The following GALNT2 variants were observed in gnomAD, a reference collection of about 807,000 sequenced individuals.
GALNT2 encodes the protein polypeptide N-acetylgalactosaminyltransferase 2, also known as UDP-GalNAc:polypeptide N-acetylgalactosaminyltransferase 2.
In GALNT2, 31 loss-of-function variants were observed where a neutral mutation model predicts 81.4. The observed-to-expected ratio is 0.38, with a 90% CI of 0.29 to 0.51. The LOEUF (loss-of-function observed/expected upper bound fraction) is 0.51, where lower values mean the gene tolerates loss of function less well. GALNT2 is among the 20% of genes least tolerant of loss of function. The pLI is 0.87. For missense variants in GALNT2, 629 were observed against 765.7 expected, an observed-to-expected ratio of 0.82 and a Z score of 2.11; for synonymous variants, 303 against 287.4, an observed-to-expected ratio of 1.05 and a Z score of -0.55.
At chr1:230,232,459 G>C (rs144231982) in intron 3 of GALNT2, among the ~76,000 whole-genome samples, 17 of 152,314 alleles carry the variant, frequency 1.1e-4, no homozygotes, top group African/African-American at 4.1e-4. Context: ...AGGAAACCGA[G>C]AGAATAGGAC....
At chr1:230,118,895 C>G (rs1160911736) in intron 1 of GALNT2, among the ~76,000 whole-genome samples, 1 of 152,174 alleles carries the variant, frequency 6.6e-6, no homozygotes, top group African/African-American at 2.4e-5. Flanking sequence ...TGCCCCTCAC[C>G]CTGCCTTTAT....
At chr1:230,066,957 C>T (rs1055538883), upstream of GALNT2, among the ~76,000 whole-genome samples, 1 of 150,174 alleles carries the variant, frequency 6.7e-6, no homozygotes, top group African/African-American at 2.4e-5. Context: ...CGTGCTGCAG[C>T]CATGGAGACG....
intron 8 of GALNT2, among the ~76,000 whole-genome samples, chr1:230,248,318 G>T (rs1203370538): frequency 6.6e-6 from 1 of 152,222 alleles, no homozygotes; most frequent in Non-Finnish European, 1.5e-5. Flanking sequence ...ATTGAAAGAT[G>T]CATGCCCTAG....
intron 6 of GALNT2, among the ~76,000 whole-genome samples, chr1:230,239,836 G>A (rs1665145241): frequency 6.6e-6 from 1 of 152,124 alleles, no homozygotes; most frequent in South Asian, 2.1e-4. Flanking sequence ...TACTTTTCAT[G>A]TATGCACAGT....
Position 230,265,073 on chromosome 1 carries a change from C to T in GALNT2, c.1314-168C>T, listed in dbSNP as rs1665993234. ...GGAAGTCCAGAGCCTGGGAGAAATG[C>T]CGTGTCCCTGACACACACTACCTGT... On this transcript the variant is annotated intron_variant, in intron 13 of 15. Coordinates refer to ENST00000366672, the MANE Select transcript of GALNT2 (RefSeq NM_004481.5). 12 of 726,044 alleles carry T rather than the reference C, an allele frequency of 1.7e-5. No homozygotes were observed. In the South Asian group the frequency reaches 2.0e-4, roughly 12 times the overall value. The allele number at this position is 726,044 out of a possible 1,614,324, so 45.0% of individuals were successfully genotyped here.
At chr1:230,211,087 G>A (rs1473256402) in intron 3 of GALNT2, among the ~76,000 whole-genome samples, 1 of 152,230 alleles carries the variant, frequency 6.6e-6, no homozygotes, top group Admixed American at 6.5e-5. Flanking sequence ...TGGAGACCCA[G>A]GCAGGGCTGG....
chr1:230,190,761 G>A (rs1358797953), intron 2 of GALNT2, among the ~76,000 whole-genome samples: 3 of 152,012 alleles, frequency 2.0e-5, no homozygotes, highest in Non-Finnish European at 4.4e-5. Context: ...GCGATATATC[G>A]GGAACTCCTT....
chr1:230,246,171 C>T (rs748656885), intron 8 of GALNT2, 21 bp downstream of exon 8: 2 of 1,572,872 alleles, frequency 1.3e-6, no homozygotes, highest in Non-Finnish European at 1.8e-6. Context: ...GTCATGGTGC[C>T]CCTGCCTAGC....
At chr1:230,158,538 T>C (rs1014071672) in intron 1 of GALNT2, among the ~76,000 whole-genome samples, 10 of 152,240 alleles carry the variant, frequency 6.6e-5, no homozygotes, top group Non-Finnish European at 1.3e-4. Context: ...GGGCTCCCTC[T>C]CTTGACCTGA....
Position 230,199,188 on chromosome 1 carries a change from A to AT in GALNT2, c.221-3947dup, listed in dbSNP as rs201068945. 3.9e-3 allele frequency among the ~76,000 whole-genome samples: 589 copies of AT among 152,322 alleles called. 10 individuals are homozygous for AT. The highest frequency in any genetic ancestry group is 0.022 in the Admixed American group (336 of 15,306). ...TGTCATATTTTTAGGAAGGCAATAT[A>AT]TTCAGACGTTTTGTTGGTTGTTTTG... On this transcript the variant is annotated intron_variant, in intron 2 of 15. Coordinates refer to ENST00000366672, the MANE Select transcript of GALNT2 (RefSeq NM_004481.5).
chr1:230,256,544 T>TA lies in GALNT2; in HGVS notation c.1136+1201dup, dbSNP rs554129356. Among the ~76,000 whole-genome samples, 504 of 151,438 alleles carry TA rather than the reference T, an allele frequency of 3.3e-3. 3 individuals are homozygous for TA. Among genetic ancestry groups the TA allele is most frequent in the African/African-American group, 0.012 (487 of 41,186 alleles). ...GAACAAACATTCAAACCATAGCAAA[T>TA]ATTAAAGTCAAGCTGTACTAATTGT... On this transcript the variant is annotated intron_variant, in intron 11 of 15. Coordinates refer to ENST00000366672, the MANE Select transcript of GALNT2 (RefSeq NM_004481.5).
At chr1:230,163,632 C>T (rs1031668608) in intron 1 of GALNT2, among the ~76,000 whole-genome samples, 6 of 152,216 alleles carry the variant, frequency 3.9e-5, no homozygotes, top group African/African-American at 7.2e-5. Flanking sequence ...TTTGAATTTG[C>T]CTTCGAAGCC....
At chr1:230,067,205 GC>G (rs1659215843), upstream of GALNT2, 4 of 936,222 alleles carry the variant, frequency 4.3e-6, no homozygotes, top group East Asian at 4.2e-5. Context: ...TCCTCCCCCG[GC>G]CCCCACCGCG....
chr1:230,064,673 G>C (rs1046034985), upstream of GALNT2, among the ~76,000 whole-genome samples: 2 of 152,072 alleles, frequency 1.3e-5, no homozygotes, highest in African/African-American at 4.8e-5. Flanking sequence ...GGCACCTGCC[G>C]GCTAAGTTTC....
chr1:230,132,436 A>C, intron 1 of GALNT2, among the ~76,000 whole-genome samples: 1 of 152,122 alleles, frequency 6.6e-6, no homozygotes, highest in East Asian at 1.9e-4. Context: ...GCCTTCCATC[A>C]CAGCTCCTTG....
chr1:230,169,020 G>A (rs1662704719), intron 1 of GALNT2, among the ~76,000 whole-genome samples: 1 of 152,036 alleles, frequency 6.6e-6, no homozygotes, highest in Non-Finnish European at 1.5e-5. Flanking sequence ...GCTTGGTCAG[G>A]GATTTTTTAG....
chr1:230,112,976 G>A (rs1336902533), intron 1 of GALNT2, among the ~76,000 whole-genome samples: 5 of 152,212 alleles, frequency 3.3e-5, no homozygotes, highest in East Asian at 3.8e-4. Flanking sequence ...CCTGTTGAGC[G>A]TGGACCAGTG....
chr1:230,130,147 A>C (rs74818331), intron 1 of GALNT2, among the ~76,000 whole-genome samples: 2,440 of 152,352 alleles, frequency 0.016, 69 homozygotes, highest in African/African-American at 0.054. Flanking sequence ...CCTCTTGCAC[A>C]TGAAAATCTC....
chr1:230,175,980 C>T (rs1662967617), intron 1 of GALNT2, among the ~76,000 whole-genome samples: 2 of 152,024 alleles, frequency 1.3e-5, no homozygotes. Context: ...CATTGTAAGA[C>T]AGGAATTATA....
Sources: allele counts gnomAD v4.1 joint callset (sites outside exome capture counted in the v4.1 genomes callset), GRCh38; gene constraint gnomAD v4.1.1; transcripts MANE v1.5; gene names NCBI Gene and HGNC (gene_info 2026-07-23, HGNC 2026-07-21).